PALMD: variants seen among roughly 807,000 people sequenced by gnomAD.
PALMD encodes palmdelphin.
PALMD carries 42 observed loss-of-function variants against 56.2 expected under a neutral mutation model. The observed-to-expected ratio is 0.75, with a 90% CI of 0.58 to 0.97. The LOEUF (loss-of-function observed/expected upper bound fraction) is 0.97. Ranked by LOEUF, PALMD falls within the 50% of genes least tolerant of loss-of-function variation. The probability of loss-of-function intolerance (pLI) is 0.00; values close to 1 mark genes in which losing one functional copy is unlikely to be tolerated. For missense variants in PALMD, 660 were observed against 643.8 expected, an observed-to-expected ratio of 1.03 and a Z score of -0.27; for synonymous variants, 242 against 222.9, an observed-to-expected ratio of 1.09 and a Z score of -0.76.
At chr1:99,693,979 ATT>A in intron 7 of PALMD, 38 bp from the exon 8 acceptor site, 1 of 1,479,790 alleles carries the variant, frequency 6.8e-7, no homozygotes, top group Non-Finnish European at 9.3e-7. Flanking sequence ...AAAATTGAGG[ATT>A]TTTTTTATAA....
At chr1:99,659,365 A>C (rs958514560) in intron 1 of PALMD, among the ~76,000 whole-genome samples, 3 of 152,234 alleles carry the variant, frequency 2.0e-5, no homozygotes, top group Non-Finnish European at 2.9e-5. Flanking sequence ...CTAAAAATCT[A>C]GGTAAATGTC....
intron 3 of PALMD, among the ~76,000 whole-genome samples, chr1:99,675,039 T>C (rs555448517): frequency 6.6e-6 from 1 of 152,356 alleles, no homozygotes; most frequent in South Asian, 2.1e-4. Flanking sequence ...TGTCACTTCG[T>C]CCATTTAGAC....
intron 6 of PALMD, 116 bp downstream of exon 6, chr1:99,687,305 C>A: frequency 8.4e-7 from 1 of 1,188,896 alleles, no homozygotes; most frequent in Non-Finnish European, 1.2e-6. Flanking sequence ...GTTCACTTTA[C>A]AAAGTTCTGT....
intron 3 of PALMD, among the ~76,000 whole-genome samples, chr1:99,673,538 C>T (rs1653135358): frequency 6.6e-6 from 1 of 152,008 alleles, no homozygotes; most frequent in South Asian, 2.1e-4. Flanking sequence ...TTTGCTGTTG[C>T]CTAGAGACAC....
chr1:99,656,052 GTCACCA>G (rs1260321971), intron 1 of PALMD, among the ~76,000 whole-genome samples: 1 of 152,186 alleles, frequency 6.6e-6, no homozygotes, highest in South Asian at 2.1e-4. Context: ...ATTACAAGGT[GTCACCA>G]TCTTATCTTT....
chr1:99,648,575 A>G (rs562348018), intron 1 of PALMD, among the ~76,000 whole-genome samples: 1 of 152,218 alleles, frequency 6.6e-6, no homozygotes, highest in Non-Finnish European at 1.5e-5. Context: ...ACACTGAAAT[A>G]ATTTTTTGTA....
At chr1:99,681,386 T>C (rs1048534658) in intron 3 of PALMD, among the ~76,000 whole-genome samples, 2 of 152,064 alleles carry the variant, frequency 1.3e-5, no homozygotes, top group East Asian at 3.9e-4. Context: ...AAAACTACCT[T>C]TGGGAAGGGA....
rs12127234 is a variant in PALMD at position 99,688,358 on chromosome 1, G to A, written c.515-417G>A. 2.3e-3 allele frequency among the ~76,000 whole-genome samples: 350 copies of A among 152,248 alleles called. 1 individual carries two copies. The highest frequency in any genetic ancestry group is 0.021 in the Middle Eastern group (6 of 292). ...TACTAGGCACTTTGCCCACTGTGATGCACAGTCCAACATATTCTTCTTGAC... is the reference window on the plus strand; with the variant it reads ...TACTAGGCACTTTGCCCACTGTGATACACAGTCCAACATATTCTTCTTGAC... On this transcript the variant is annotated intron_variant, in intron 6 of 7. Coordinates refer to ENST00000263174, the MANE Select transcript of PALMD (RefSeq NM_017734.5).
chr1:99,648,874 C>A lies in PALMD; in HGVS notation c.45+2512C>A, dbSNP rs7513463. ...ACAGAACAAAGATCCAAGTGCCAGTCTTTTTCTTTTTCTCAAAAAAAAAAA... is the reference window on the plus strand; with the variant it reads ...ACAGAACAAAGATCCAAGTGCCAGTATTTTTCTTTTTCTCAAAAAAAAAAA... On this transcript the variant is annotated intron_variant, in intron 1 of 7. Transcript: ENST00000263174. Among the ~76,000 whole-genome samples the A allele has an allele frequency of 9.7e-5, 13 of 134,640 alleles. No individual in the cohort carries two copies. The Admixed American group carries it at 1.0e-3, about 10-fold the overall frequency. The allele number at this position is 134,640 out of a possible 152,430, so 88.3% of individuals were successfully genotyped here.
intron 3 of PALMD, chr1:99,684,831 G>C (rs1653449975): frequency 6.6e-6 from 1 of 152,210 alleles, no homozygotes; most frequent in Admixed American, 6.5e-5. Context: ...CTGAGTCTTA[G>C]TGAGGTCAGG....
Position 99,686,910 on chromosome 1 carries a change from AG to A in PALMD, c.367-19del, listed in dbSNP as rs997630988. ...ATTTTTTAAACTGTATTAATCATGG[AG>A]AATTCTTTTTTCTTACAGTCTGTGA... is the stretch of plus-strand genomic sequence containing the variant. On this transcript the variant is annotated intron_variant, in intron 4 of 7. Transcript: ENST00000263174. The A allele has an allele frequency of 1.3e-6, 2 of 1,533,346 alleles. No homozygotes were observed. The highest frequency in any genetic ancestry group is 1.4e-5 in the African/African-American group (1 of 72,704). The allele number at this position is 1,533,346 out of a possible 1,614,324, so 95.0% of individuals were successfully genotyped here.
intron 7 of PALMD, among the ~76,000 whole-genome samples, chr1:99,690,624 C>T (rs1420841994): frequency 6.6e-6 from 1 of 151,974 alleles, no homozygotes; most frequent in Non-Finnish European, 1.5e-5. Flanking sequence ...TTTTAGATTT[C>T]TTGTTATCAC....
intron 3 of PALMD, among the ~76,000 whole-genome samples, chr1:99,676,544 C>G (rs1215238776): frequency 2.6e-5 from 4 of 152,090 alleles, no homozygotes; most frequent in Non-Finnish European, 4.4e-5. Flanking sequence ...ACCCCTCCCA[C>G]CCTCTCACCC....
chr1:99,677,795 G>T (rs1487154313), intron 3 of PALMD, among the ~76,000 whole-genome samples: 1 of 152,114 alleles, frequency 6.6e-6, no homozygotes, highest in East Asian at 1.9e-4. Flanking sequence ...CTGGGGATGG[G>T]GTGTGGAGAG....
At chr1:99,679,084 G>A (rs1653281703) in intron 3 of PALMD, among the ~76,000 whole-genome samples, 1 of 152,066 alleles carries the variant, frequency 6.6e-6, no homozygotes, top group African/African-American at 2.4e-5. Context: ...AACACCTGCT[G>A]ACTCAGGCCA....
intron 2 of PALMD, among the ~76,000 whole-genome samples, chr1:99,662,952 T>TACA (rs1299459880): frequency 2.0e-5 from 3 of 152,224 alleles, no homozygotes; most frequent in African/African-American, 7.2e-5. Context: ...TTTACATCTT[T>TACA]CACTGGGTGT....
chr1:99,653,500 T>A (rs900631057), intron 1 of PALMD, among the ~76,000 whole-genome samples: 9 of 152,082 alleles, frequency 5.9e-5, no homozygotes, highest in African/African-American at 2.2e-4. Context: ...AATTATTTGA[T>A]AAATGAGGTT....
intron 3 of PALMD, 188 bp downstream of exon 3, chr1:99,667,954 C>T (rs1416230): frequency 0.58 from 292,459 of 502,122 alleles, 86,496 homozygotes; most frequent in Middle Eastern, 0.62. Context: ...TCTCGGCTCA[C>T]GGCAACTTCC....
chr1:99,654,625 C>G (rs1052532626), intron 1 of PALMD, among the ~76,000 whole-genome samples: 8 of 152,034 alleles, frequency 5.3e-5, no homozygotes, highest in African/African-American at 1.7e-4. Flanking sequence ...AAATTGTGGT[C>G]AATTTATATT....
Sources: gnomAD v4.1 joint callset for allele counts (sites outside exome capture counted in the v4.1 genomes callset) on GRCh38, gnomAD v4.1.1 for gene constraint, MANE v1.5 for transcripts, NCBI Gene and HGNC (gene_info 2026-07-23, HGNC 2026-07-21) for gene names.